TLK1: variants seen among roughly 807,000 people sequenced by gnomAD.
TLK1 encodes tousled like kinase 1.
In TLK1, 24 loss-of-function variants were observed where a neutral mutation model predicts 105.3. The observed-to-expected ratio is 0.23, with a 90% CI of 0.17 to 0.32. TLK1 has a LOEUF of 0.32. TLK1 is among the 10% of genes least tolerant of loss of function. The probability of loss-of-function intolerance (pLI) is 1.00; values close to 1 mark genes in which losing one functional copy is unlikely to be tolerated. For missense variants in TLK1, 558 were observed against 910.5 expected (o/e 0.61, Z 4.98); for synonymous variants, 321 against 310.4 (o/e 1.03, Z -0.36).
chr2:171,124,919 G>A (rs903913736), intron 1 of TLK1, among the ~76,000 whole-genome samples: 7 of 152,134 alleles, frequency 4.6e-5, no homozygotes, highest in African/African-American at 1.7e-4. Context: ...AACATCTGCC[G>A]GCTCATCAAG....
chr2:171,143,883 C>T (rs1301515533), intron 1 of TLK1, among the ~76,000 whole-genome samples: 3 of 152,068 alleles, frequency 2.0e-5, no homozygotes, highest in Non-Finnish European at 2.9e-5. Flanking sequence ...ATAATACACT[C>T]AAGAGGCAGA....
chr2:171,077,403 CATG>C (rs1688560516), intron 3 of TLK1, among the ~76,000 whole-genome samples: 1 of 152,210 alleles, frequency 6.6e-6, no homozygotes, highest in African/African-American at 2.4e-5. Context: ...TTCCTTAGCA[CATG>C]ATATGTCAAG....
chr2:171,082,789 CTTT>C lies in TLK1; in HGVS notation c.319_321del (p.Lys107del). On this transcript the variant is annotated inframe_deletion, in exon 3 of 21. Transcript: ENST00000431350. Reference sequence around the variant, plus strand: ...AAAATGAAATTACTTACCTCTGATTCTTTGTCACTTAAAGATCCCAAGCTTCCA... The same window carrying C: ...AAAATGAAATTACTTACCTCTGATTCGTCACTTAAAGATCCCAAGCTTCCA... The C allele has an allele frequency of 6.2e-7, 1 of 1,606,788 alleles. No individual in the cohort carries two copies. Among genetic ancestry groups the C allele is most frequent in the East Asian group, 2.2e-5 (1 of 44,498 alleles).
intron 14 of TLK1, among the ~76,000 whole-genome samples, chr2:171,007,468 C>T (rs1451571618): frequency 6.6e-6 from 1 of 151,902 alleles, no homozygotes; most frequent in Non-Finnish European, 1.5e-5. Context: ...CTAGCAACCC[C>T]CTATTTCTTT....
intron 2 of TLK1, among the ~76,000 whole-genome samples, chr2:171,102,067 C>G (rs1220641605): frequency 6.6e-6 from 1 of 152,194 alleles, no homozygotes; most frequent in African/African-American, 2.4e-5. Flanking sequence ...TTCCTCCCTT[C>G]TCACTCAAAG....
intron 1 of TLK1, among the ~76,000 whole-genome samples, chr2:171,201,038 T>C (rs141431838): frequency 0.015 from 2,243 of 152,052 alleles, 46 homozygotes; most frequent in African/African-American, 0.048. Flanking sequence ...CATGCTAACA[T>C]GCCCAGCTAA....
At chr2:171,047,789 T>C (rs772143682) in intron 10 of TLK1, among the ~76,000 whole-genome samples, 6 of 152,200 alleles carry the variant, frequency 3.9e-5, no homozygotes, top group Non-Finnish European at 8.8e-5. Context: ...GGGATGACTA[T>C]ACAGTTTAGA....
chr2:171,228,830 G>C (rs1693943259), intron 1 of TLK1, among the ~76,000 whole-genome samples: 1 of 152,134 alleles, frequency 6.6e-6, no homozygotes, highest in Non-Finnish European at 1.5e-5. Flanking sequence ...TAAGCTAGTG[G>C]TTGAACTGTA....
At chr2:171,065,604 C>T (rs1301768420) in intron 3 of TLK1, among the ~76,000 whole-genome samples, 1 of 151,444 alleles carries the variant, frequency 6.6e-6, no homozygotes, top group African/African-American at 2.4e-5. Context: ...GCGGCGCAAT[C>T]TCAGCTCACT....
intron 1 of TLK1, among the ~76,000 whole-genome samples, chr2:171,173,015 A>G (rs1244407904): frequency 2.0e-5 from 3 of 152,214 alleles, no homozygotes; most frequent in African/African-American, 7.2e-5. Flanking sequence ...ATCTTTCCTA[A>G]GAAAAAAATT....
chr2:171,000,580 A>G (rs1198750172), intron 18 of TLK1, among the ~76,000 whole-genome samples: 2 of 152,144 alleles, frequency 1.3e-5, no homozygotes, highest in African/African-American at 2.4e-5. Context: ...AAAGTGGATT[A>G]TGACAAAAGT....
intron 1 of TLK1, among the ~76,000 whole-genome samples, chr2:171,217,073 T>C (rs894007349): frequency 6.6e-6 from 1 of 152,214 alleles, no homozygotes; most frequent in Admixed American, 6.5e-5. Flanking sequence ...ACTTTTTCAC[T>C]GTTACCTCCT....
intron 18 of TLK1, among the ~76,000 whole-genome samples, chr2:170,998,217 C>T (rs1684176927): frequency 6.6e-6 from 1 of 152,178 alleles, no homozygotes; most frequent in Non-Finnish European, 1.5e-5. Context: ...AACCACTGTT[C>T]AAACTGTAGG....
At chr2:171,199,308 A>G (rs532838878) in intron 1 of TLK1, among the ~76,000 whole-genome samples, 2 of 152,256 alleles carry the variant, frequency 1.3e-5, no homozygotes, top group African/African-American at 4.8e-5. Flanking sequence ...CCCAGGAATT[A>G]CAGACCAGCC....
intron 1 of TLK1, among the ~76,000 whole-genome samples, chr2:171,211,205 AC>A (rs2105325428): frequency 6.6e-6 from 1 of 152,352 alleles, no homozygotes; most frequent in African/African-American, 2.4e-5. Context: ...AACACAGTTT[AC>A]ATTGCTGTAG....
At chr2:171,144,721 G>A (rs1466277708) in intron 1 of TLK1, among the ~76,000 whole-genome samples, 1 of 151,912 alleles carries the variant, frequency 6.6e-6, no homozygotes, top group Non-Finnish European at 1.5e-5. Flanking sequence ...CAGAAAATAT[G>A]GGAAAACATT....
At chr2:171,148,356 G>A (rs1691878016) in intron 1 of TLK1, among the ~76,000 whole-genome samples, 2 of 151,896 alleles carry the variant, frequency 1.3e-5, no homozygotes, top group African/African-American at 4.8e-5. Flanking sequence ...GTGGTATAGG[G>A]ATTAGAAGTG....
intron 1 of TLK1, among the ~76,000 whole-genome samples, chr2:171,180,697 G>A (rs1692913086): frequency 6.6e-6 from 1 of 152,090 alleles, no homozygotes; most frequent in Admixed American, 6.6e-5. Flanking sequence ...TTCTGCATTG[G>A]CTTTAAAATG....
chr2:171,003,347 C>CTT (rs1427138074), intron 18 of TLK1, among the ~76,000 whole-genome samples: 1 of 144,926 alleles, frequency 6.9e-6, no homozygotes, highest in Non-Finnish European at 1.5e-5. Flanking sequence ...GCAGTGACAG[C>CTT]TTTACAAATT....
Sources: gnomAD v4.1 joint callset for allele counts (sites outside exome capture counted in the v4.1 genomes callset) on GRCh38, gnomAD v4.1.1 for gene constraint, MANE v1.5 for transcripts, NCBI Gene and HGNC (gene_info 2026-07-23, HGNC 2026-07-21) for gene names.